Variants in MAML1 observed in about 807,000 individuals in gnomAD.
The protein encoded by MAML1 is mastermind-like protein 1.
In MAML1, 14 loss-of-function variants were observed where a neutral mutation model predicts 77.1. That is an observed-to-expected ratio of 0.18 (90% CI 0.12 to 0.28). The LOEUF is 0.28. Ranked by LOEUF, MAML1 falls within the 10% of genes least tolerant of loss-of-function variation. MAML1 has a pLI of 1.00. For synonymous variants in MAML1, 516 were observed against 551.9 expected, an observed-to-expected ratio of 0.93 and a Z score of 0.91; for missense variants, 1,217 against 1,327.8, an observed-to-expected ratio of 0.92 and a Z score of 1.30.
chr5:179,752,815 C>T (rs1779521547), intron 1 of MAML1, among the ~76,000 whole-genome samples: 1 of 151,858 alleles, frequency 6.6e-6, no homozygotes, highest in South Asian at 2.1e-4. Context: ...ACTCAGCTGC[C>T]CAGGCTGGAG....
At chr5:179,767,600 G>A (rs1405280234) in intron 2 of MAML1, among the ~76,000 whole-genome samples, 1 of 152,182 alleles carries the variant, frequency 6.6e-6, no homozygotes, top group African/African-American at 2.4e-5. Flanking sequence ...AAAACTGTAA[G>A]CCATTTAAGC....
chr5:179,741,096 T>C (rs17617068), intron 1 of MAML1, among the ~76,000 whole-genome samples: 34,980 of 152,092 alleles, frequency 0.23, 4,588 homozygotes, highest in Non-Finnish European at 0.3. Context: ...TTTCCCTTTT[T>C]CCTACCAAAT....
At chr5:179,750,115 C>T (rs55827522) in intron 1 of MAML1, among the ~76,000 whole-genome samples, 34,110 of 152,226 alleles carry the variant, frequency 0.22, 4,476 homozygotes, top group Non-Finnish European at 0.3. Flanking sequence ...ACCTGCTCTC[C>T]GCTTTAATAT....
In MAML1 at chr5:179,777,058, T is replaced by C. The variant is rs1298284932; in HGVS notation, c.*2181T>C. ...TCCAACTGTATATTTTTTACTTTTA[T>C]AGATTTTAAAACTATGATCCTTTAT... On this transcript the variant is annotated 3_prime_UTR_variant, in exon 5 of 5. Transcript: ENST00000292599. The C allele has an allele frequency of 7.1e-6, 7 of 983,834 alleles. No homozygotes were observed. The highest frequency in any genetic ancestry group is 8.5e-6 in the Non-Finnish European group (7 of 828,014). The allele number at this position is 983,834 out of a possible 1,614,324, so 60.9% of individuals were successfully genotyped here. A position where few individuals can be genotyped will look rare whatever the true frequency, so the allele number is the denominator to read the frequency against.
chr5:179,746,361 A>C (rs1779383598), intron 1 of MAML1, among the ~76,000 whole-genome samples: 1 of 152,052 alleles, frequency 6.6e-6, no homozygotes, highest in Admixed American at 6.6e-5. Context: ...AAAGGGAATA[A>C]GTTTAGTTAT....
intron 1 of MAML1, among the ~76,000 whole-genome samples, chr5:179,753,222 T>TGTGTGCGC (rs1491538366): frequency 6.7e-4 from 21 of 31,446 alleles, no homozygotes; most frequent in African/African-American, 1.2e-3. Flanking sequence ...TGTGTGTGTG[T>TGTGTGCGC]GCGCGCGCGC....
Position 179,746,150 on chromosome 5 carries a change from A to G in MAML1, c.315+12723A>G, listed in dbSNP as rs1581928033. Among the ~76,000 whole-genome samples, 3 of 151,368 alleles carry G rather than the reference A, an allele frequency of 2.0e-5. No homozygotes were observed. The South Asian group carries it at 6.3e-4, about 32-fold the overall frequency. On this transcript the variant is annotated intron_variant, in intron 1 of 4. Coordinates refer to ENST00000292599, the MANE Select transcript of MAML1 (RefSeq NM_014757.5). ...CACCTGAGGTCAGGAGTTCGAGACT[A>G]ACCTGGCCCACATGGCGAAACCCCG...
Position 179,766,703 on chromosome 5 carries a change from G to A in MAML1, c.1693G>A (p.Gly565Arg). 2 of 1,577,836 alleles carry A rather than the reference G, an allele frequency of 1.3e-6. No homozygotes were observed. The highest frequency in any genetic ancestry group is 1.7e-6 in the Non-Finnish European group (2 of 1,161,014). The change falls in exon 2 of 5, where the codon GGA becomes AGA. Residue 565 changes from glycine to arginine, a missense_variant. By Grantham distance (125) the Gly-to-Arg change is moderately radical (BLOSUM62 -2). This residue lies in a region of MAML1 where 884 missense variants were observed against 949.3 expected (regional missense o/e 0.93). Transcript: ENST00000292599. This position sits in a 1 kb window ranked among gnomAD's most constrained non-coding sequence, Gnocchi z 4.0. Reference sequence around the variant, plus strand: ...CCTGTTTCTGATGAAGCCAAAGCCAGGAAATATGCCTTTCCGATCACTGGT... The same window carrying A: ...CCTGTTTCTGATGAAGCCAAAGCCAAGAAATATGCCTTTCCGATCACTGGT... ...NSLFLMKPKP[G>R]NMPFRSLVPP...
chr5:179,766,087 C>G lies in MAML1; in HGVS notation c.1077C>G (p.Pro359=), dbSNP rs1436100082. 3 of 1,582,274 alleles carry G rather than the reference C, an allele frequency of 1.9e-6. No homozygotes were observed. The highest frequency in any genetic ancestry group is 2.6e-6 in the Non-Finnish European group (3 of 1,165,924). Residue 359 remains proline, a synonymous_variant, in exon 2 of 5, where the codon CCC becomes CCG. Coordinates refer to ENST00000292599, the MANE Select transcript of MAML1 (RefSeq NM_014757.5). The surrounding 1 kb of genome is among the most constrained non-coding windows in gnomAD (Gnocchi z 4.0). ...CTGGTCAGCCCCGGGCGGACAATCC[C>G]AGTCCAAACCTGATGCCGGCATCAG... The part of the protein sequence containing the change: ...HTSGQPRADN[P]SPNLMPASAQ...
At chr5:179,745,790 G>A (rs1257705127) in intron 1 of MAML1, among the ~76,000 whole-genome samples, 1 of 150,222 alleles carries the variant, frequency 6.7e-6, no homozygotes, top group African/African-American at 2.5e-5. Flanking sequence ...AACCCAGGAG[G>A]CGGAGCGTGG....
chr5:179,774,396 T>G lies in MAML1; in HGVS notation c.2570T>G (p.Val857Gly), dbSNP rs749274269. 25 of 1,613,052 alleles carry G rather than the reference T, an allele frequency of 1.5e-5. No homozygotes were observed. The South Asian group carries it at 2.5e-4, about 16-fold the overall frequency. The change falls in exon 5 of 5, where the codon GTG (valine) becomes GGG (glycine). Residue 857 changes from valine (V) to glycine (G), a missense_variant. Coordinates refer to ENST00000292599, the MANE Select transcript of MAML1 (RefSeq NM_014757.5). ...GGCCAGACCCCAGGGAACAGCAACG[T>G]GAGTCCCTTCACTGCAGCCTCCAGT... ...LSGQTPGNSNVSPFTAASSFH... is the reference protein window; with the variant it reads ...LSGQTPGNSNGSPFTAASSFH...
At chr5:179,735,283 CTCTT>C (rs1385364712) in intron 1 of MAML1, among the ~76,000 whole-genome samples, 2 of 152,250 alleles carry the variant, frequency 1.3e-5, no homozygotes, top group East Asian at 3.8e-4. Context: ...CCCAGCTTAT[CTCTT>C]TCTTCTGCCT....
chr5:179,773,502 C>T (rs569605456), intron 4 of MAML1, among the ~76,000 whole-genome samples: 168 of 148,846 alleles, frequency 1.1e-3, no homozygotes, highest in Middle Eastern at 3.4e-3. Flanking sequence ...GCTGGCCAGG[C>T]GCGCCCCATC....
rs758787120 is a variant in MAML1, at chr5:179,774,360, C to T, written c.2534C>T (p.Pro845Leu). 5.0e-6 allele frequency: 8 copies of T among 1,613,130 alleles called. No individual in the cohort carries two copies. The highest frequency in any genetic ancestry group is 4.4e-5 in the South Asian group (4 of 91,086). ...TCCTCCTGGCAGCATCAGGGAATGC[C>T]GAACCTCAGTGGCCAGACCCCAGGG... is the stretch of plus-strand genomic sequence containing the variant. ...QNSSWQHQGMPNLSGQTPGNS... is the reference protein window; with the variant it reads ...QNSSWQHQGMLNLSGQTPGNS... The change falls in exon 5 of 5, where the codon CCG (proline) becomes CTG (leucine). Residue 845 changes from proline to leucine, a missense_variant. Physicochemically the swap from Pro to Leu is moderately conservative, Grantham distance 98. Coordinates refer to ENST00000292599, the MANE Select transcript of MAML1 (RefSeq NM_014757.5).
Position 179,775,677 on chromosome 5 carries a change from G to A in MAML1, c.*800G>A. 1.0e-6 allele frequency: 1 copy of A among 985,382 alleles called. No homozygotes were observed. Among genetic ancestry groups the A allele is most frequent in the Non-Finnish European group, 1.2e-6 (1 of 829,940 alleles). 61.0% of individuals were successfully genotyped at this position (985,382 alleles called of 1,614,324 possible). On this transcript the variant is annotated 3_prime_UTR_variant, in exon 5 of 5. Transcript: ENST00000292599. ...GCTACATATGGAAGGTAGAGATGTG[G>A]GGGTCCTGTATCCTGGAGTATTATG... is the stretch of plus-strand genomic sequence containing the variant.
chr5:179,759,033 T>C (rs1779677603), intron 1 of MAML1, among the ~76,000 whole-genome samples: 1 of 152,056 alleles, frequency 6.6e-6, no homozygotes, highest in Non-Finnish European at 1.5e-5. Flanking sequence ...TTTGTGGCGC[T>C]GGTATGTGGG....
At chr5:179,764,613 T>G (rs1347621811) in intron 1 of MAML1, among the ~76,000 whole-genome samples, 4 of 148,318 alleles carry the variant, frequency 2.7e-5, no homozygotes, top group Non-Finnish European at 5.9e-5. Context: ...TGAGCCAAGA[T>G]CACGCCATTG....
In MAML1 at chr5:179,766,472, A is replaced by C; in HGVS notation, c.1462A>C (p.Asn488His). ...CCCCTACCTCCAGCCCAGCCATGTG[A>C]ACCTGCTGAGTCACCAGCCACCGAG... Reference protein sequence around the residue: ...GGPYLQPSHVNLLSHQPPSNL... With the variant: ...GGPYLQPSHVHLLSHQPPSNL... The change falls in exon 2 of 5, where the codon AAC (asparagine) becomes CAC (histidine). Residue 488 changes from asparagine to histidine, a missense_variant. By Grantham distance (68) the Asn-to-His change is moderately conservative (BLOSUM62 1). Transcript: ENST00000292599. The surrounding 1 kb of genome is among the most constrained non-coding windows in gnomAD (Gnocchi z 4.0). 6.2e-7 allele frequency: 1 copy of C among 1,611,044 alleles called. No homozygotes were observed. The highest frequency in any genetic ancestry group is 2.2e-5 in the East Asian group (1 of 44,868).
intron 1 of MAML1, among the ~76,000 whole-genome samples, chr5:179,739,410 A>AC (rs1779236357): frequency 6.6e-6 from 1 of 152,102 alleles, no homozygotes; most frequent in Admixed American, 6.6e-5. Context: ...AAAAATAAAA[A>AC]TAAAAATATA....
Sources: gnomAD v4.1 joint callset for allele counts (sites outside exome capture counted in the v4.1 genomes callset) on GRCh38, gnomAD v4.1.1 for gene constraint, gnomAD v4.1.1 regional missense constraint, Gnocchi (gnomAD v3.1) non-coding constraint, MANE v1.5 for transcripts, NCBI Gene and HGNC (gene_info 2026-07-23, HGNC 2026-07-21) for gene names.